Variants in SF3B6 observed in about 807,000 individuals in gnomAD.
SF3B6 encodes the protein splicing factor 3b subunit 6, also known as SF3b 14 kDa subunit.
Under a neutral mutation model 15.9 loss-of-function variants are expected in SF3B6, and 3 were observed. That is an observed-to-expected ratio of 0.19 (90% CI 0.09 to 0.49). The LOEUF is 0.49. Among genes scored for constraint, SF3B6 ranks in the 20% least tolerant of loss-of-function variants. The pLI, the probability that SF3B6 is intolerant of heterozygous loss-of-function variation, is 0.97. For synonymous variants in SF3B6, 49 were observed against 51.1 expected (o/e 0.96, Z 0.18); for missense variants, 71 against 154.3 (o/e 0.46, Z 2.86).
rs1279520120 is a variant in SF3B6, at chr2:24,068,313, A to G, written c.288+8T>C. The G allele has an allele frequency of 1.9e-6, 3 of 1,610,222 alleles. No individual in the cohort carries two copies. Among genetic ancestry groups the G allele is most frequent in the Non-Finnish European group, 2.5e-6 (3 of 1,178,248 alleles). On this transcript the variant is annotated splice_region_variant and intron_variant, in intron 3 of 3. Transcript: ENST00000233468. Reference sequence around the variant, plus strand: ...ATCACTACACAATGAGAACTTTGCTATACTTACCCTGTTGGCATTATAGTA... The same window carrying G: ...ATCACTACACAATGAGAACTTTGCTGTACTTACCCTGTTGGCATTATAGTA...
At chr2:24,075,957 G>A (rs1454899220) in intron 1 of SF3B6, among the ~76,000 whole-genome samples, 1 of 151,986 alleles carries the variant, frequency 6.6e-6, no homozygotes, top group Non-Finnish European at 1.5e-5. Flanking sequence ...AGAGGCTATA[G>A]GGGTAACACT....
intron 1 of SF3B6, among the ~76,000 whole-genome samples, chr2:24,074,619 C>G (rs1243616232): frequency 6.6e-6 from 1 of 152,130 alleles, no homozygotes; most frequent in Non-Finnish European, 1.5e-5. Context: ...CAGGAGATGA[C>G]CCTGATTCTT....
At chr2:24,070,219 C>T (rs906645767) in intron 2 of SF3B6, among the ~76,000 whole-genome samples, 8 of 152,182 alleles carry the variant, frequency 5.3e-5, no homozygotes, top group Non-Finnish European at 1.0e-4. Flanking sequence ...GTACCTACCA[C>T]GTATTGGACA....
At chr2:24,069,477 G>A (rs1418690667) in intron 2 of SF3B6, among the ~76,000 whole-genome samples, 1 of 152,178 alleles carries the variant, frequency 6.6e-6, no homozygotes, top group Admixed American at 6.5e-5. Context: ...AATGGGTAGA[G>A]GTCCCACTCA....
At chr2:24,074,271 G>A in intron 1 of SF3B6, 77 bp from the exon 2 acceptor site, 1 of 696,470 alleles carries the variant, frequency 1.4e-6, no homozygotes. Context: ...CCTATAATTA[G>A]GGGCATTTTA....
Position 24,067,602 on chromosome 2 carries a change from A to C in SF3B6, c.*160T>G, listed in dbSNP as rs1664579740. On this transcript the variant is annotated 3_prime_UTR_variant, in exon 4 of 4. Coordinates refer to ENST00000233468, the MANE Select transcript of SF3B6 (RefSeq NM_016047.4). The stretch of plus-strand genomic sequence containing the variant: ...ACTGAGGTGTTTCACAAAAAGCTAC[A>C]AGTTTATTAACATAATGTATTCCAA... The C allele has an allele frequency of 1.7e-6, 1 of 578,724 alleles. No individual in the cohort carries two copies. The highest frequency in any genetic ancestry group is 3.0e-5 in the East Asian group (1 of 33,042). The allele number at this position is 578,724 out of a possible 1,614,324, so 35.8% of individuals were successfully genotyped here. A position where few individuals can be genotyped will look rare whatever the true frequency, so the allele number is the denominator to read the frequency against.
chr2:24,067,953 A>C (rs1664586655), intron 3 of SF3B6, 102 bp from the exon 4 acceptor site: 14 of 925,672 alleles, frequency 1.5e-5, no homozygotes, highest in Admixed American at 5.5e-5. Context: ...GACATATATC[A>C]TCACAGTACA....
chr2:24,071,034 C>T lies in SF3B6; in HGVS notation c.150-2575G>A, dbSNP rs911906449. Among the ~76,000 whole-genome samples the T allele has an allele frequency of 3.9e-5, 6 of 152,050 alleles. No homozygotes were observed. The East Asian group carries it at 9.7e-4, about 25-fold the overall frequency. Reference sequence around the variant, plus strand: ...TTGAGACGGAGTCGCACTCTGTCGCCCAGGCTGGAGTACAGTGGCATGATC... The same window carrying T: ...TTGAGACGGAGTCGCACTCTGTCGCTCAGGCTGGAGTACAGTGGCATGATC... On this transcript the variant is annotated intron_variant, in intron 2 of 3. Coordinates refer to ENST00000233468, the MANE Select transcript of SF3B6 (RefSeq NM_016047.4).
At chr2:24,072,733 C>T (rs1035687300) in intron 2 of SF3B6, among the ~76,000 whole-genome samples, 1 of 152,122 alleles carries the variant, frequency 6.6e-6, no homozygotes, top group African/African-American at 2.4e-5. Context: ...GCTAAAAGGC[C>T]ACCACCCAGA....
chr2:24,069,943 C>T (rs6714743), intron 2 of SF3B6, among the ~76,000 whole-genome samples: 18,202 of 152,246 alleles, frequency 0.12, 1,272 homozygotes, highest in South Asian at 0.18. Context: ...TTTAGTGCCA[C>T]GCATAAGGCA....
chr2:24,074,211 GTATTGTTAT>G lies in SF3B6; in HGVS notation c.31-26_31-18del, dbSNP rs770685468. 38 of 1,345,960 alleles carry G rather than the reference GTATTGTTAT, an allele frequency of 2.8e-5. 1 individual carries two copies. The South Asian group carries it at 4.4e-4, about 16-fold the overall frequency. The allele number at this position is 1,345,960 out of a possible 1,614,324, so 83.4% of individuals were successfully genotyped here. ...AAGTCGAATCTAAAATGAGAAATAC[GTATTGTTAT>G]TATAATTAGGGGCATTCTAAAAAAT... On this transcript the variant is annotated intron_variant, in intron 1 of 3. Transcript: ENST00000233468.
intron 1 of SF3B6, among the ~76,000 whole-genome samples, chr2:24,074,474 A>G (rs368794685): frequency 7.0e-4 from 107 of 152,172 alleles, no homozygotes; most frequent in African/African-American, 2.5e-3. Context: ...CCTGGACAAC[A>G]TAGTGAGACC....
intron 2 of SF3B6, among the ~76,000 whole-genome samples, chr2:24,070,231 T>C (rs947885879): frequency 8.5e-5 from 13 of 152,222 alleles, no homozygotes; most frequent in African/African-American, 3.1e-4. Flanking sequence ...TATTGGACAC[T>C]GAGCTAACAT....
At chr2:24,071,588 A>G (rs1664652008) in intron 2 of SF3B6, among the ~76,000 whole-genome samples, 1 of 152,146 alleles carries the variant, frequency 6.6e-6, no homozygotes, top group South Asian at 2.1e-4. Flanking sequence ...CTGGGCAACA[A>G]GAGCGAAACT....
At chr2:24,069,170 A>G (rs1165869428) in intron 2 of SF3B6, among the ~76,000 whole-genome samples, 2 of 152,196 alleles carry the variant, frequency 1.3e-5, no homozygotes, top group African/African-American at 4.8e-5. Flanking sequence ...AATACAACTC[A>G]AGTGCTAATG....
At chr2:24,068,080 C>G (rs1339701485) in intron 3 of SF3B6, among the ~76,000 whole-genome samples, 1 of 152,202 alleles carries the variant, frequency 6.6e-6, no homozygotes, top group East Asian at 1.9e-4. Context: ...TCTCCTGCCT[C>G]AGCCTCCCGA....
At chr2:24,076,065 G>T in intron 1 of SF3B6, 135 bp downstream of exon 1, 1 of 1,152,692 alleles carries the variant, frequency 8.7e-7, no homozygotes, top group Non-Finnish European at 1.3e-6. Flanking sequence ...GCCGGATAGT[G>T]TCTTCGCTGA....
chr2:24,074,936 C>G (rs113103861), intron 1 of SF3B6, among the ~76,000 whole-genome samples: 33 of 152,268 alleles, frequency 2.2e-4, no homozygotes, highest in Admixed American at 5.9e-4. Context: ...TGAGACCAGC[C>G]TGGCCAACAC....
At chr2:24,075,551 G>C (rs1161890995) in intron 1 of SF3B6, among the ~76,000 whole-genome samples, 1 of 149,762 alleles carries the variant, frequency 6.7e-6, no homozygotes, top group Non-Finnish European at 1.5e-5. Flanking sequence ...ACACCTCTAA[G>C]CGTTTTACTG....
Sources: allele counts gnomAD v4.1 joint callset (sites outside exome capture counted in the v4.1 genomes callset), GRCh38; gene constraint gnomAD v4.1.1; transcripts MANE v1.5; gene names NCBI Gene and HGNC (gene_info 2026-07-23, HGNC 2026-07-21).